The following SMG6 variants were observed in gnomAD, a reference collection of about 807,000 sequenced individuals.
SMG6 encodes SMG6 nonsense mediated mRNA decay factor, also known as telomerase-binding protein EST1A.
Under a neutral mutation model 142.2 loss-of-function variants are expected in SMG6, and 66 were observed. The ratio of observed to expected loss-of-function variants is 0.46; its 90% CI spans 0.38 to 0.57. SMG6 has a LOEUF of 0.57. SMG6 is among the 20% of genes least tolerant of loss of function. The pLI is 0.00. For synonymous variants in SMG6, 779 were observed against 702.4 expected (o/e 1.11, Z -1.72); for missense variants, 1,793 against 1,832.0 (o/e 0.98, Z 0.39).
At chr17:2,094,465 C>G (rs1396671301) in intron 13 of SMG6, among the ~76,000 whole-genome samples, 2 of 152,300 alleles carry the variant, frequency 1.3e-5, no homozygotes, top group East Asian at 3.9e-4. Context: ...TCTCTAATTC[C>G]TTACCTCAAG....
chr17:2,167,342 C>G (rs1233520760), intron 13 of SMG6, among the ~76,000 whole-genome samples: 2 of 151,706 alleles, frequency 1.3e-5, no homozygotes, highest in African/African-American at 4.8e-5. Flanking sequence ...AGAAGAAAAG[C>G]AAAAACAGAT....
chr17:2,157,662 T>G (rs948975173), intron 13 of SMG6, among the ~76,000 whole-genome samples: 1 of 152,236 alleles, frequency 6.6e-6, no homozygotes, highest in African/African-American at 2.4e-5. Context: ...TGTTTGGCTC[T>G]CATGCTTTCA....
At chr17:2,243,402 C>T (rs981822065) in intron 9 of SMG6, among the ~76,000 whole-genome samples, 7 of 152,122 alleles carry the variant, frequency 4.6e-5, no homozygotes, top group African/African-American at 9.7e-5. Flanking sequence ...CCTTCTAGGC[C>T]GGGCGTGGTG....
chr17:2,185,632 G>C (rs2071956135), intron 12 of SMG6, among the ~76,000 whole-genome samples: 1 of 152,164 alleles, frequency 6.6e-6, no homozygotes, highest in African/African-American at 2.4e-5. Context: ...AATGCTCTGA[G>C]AGATGCCAGA....
chr17:2,133,395 A>C (rs1475367703), intron 13 of SMG6, among the ~76,000 whole-genome samples: 1 of 152,238 alleles, frequency 6.6e-6, no homozygotes, highest in Non-Finnish European at 1.5e-5. Context: ...AGCCTTCATA[A>C]CAAGTCAGAG....
At chr17:2,101,881 T>C (rs2151474981) in intron 13 of SMG6, among the ~76,000 whole-genome samples, 1 of 152,364 alleles carries the variant, frequency 6.6e-6, no homozygotes. Context: ...CAGCTCTCCA[T>C]GATCCAGAAC....
intron 13 of SMG6, among the ~76,000 whole-genome samples, chr17:2,122,938 T>A (rs1172742482): frequency 2.0e-5 from 3 of 152,208 alleles, no homozygotes; most frequent in South Asian, 4.1e-4. Context: ...ATGGAGGTGG[T>A]CCTGGCTCCT....
chr17:2,211,094 A>G (rs1378181334), intron 10 of SMG6, among the ~76,000 whole-genome samples: 6 of 87,208 alleles, frequency 6.9e-5, no homozygotes, highest in Admixed American at 5.4e-4. Context: ...GAGGAGCTGG[A>G]TTTTATTAAA....
chr17:2,088,524 C>A, intron 13 of SMG6: 4 of 985,418 alleles, frequency 4.1e-6, no homozygotes, highest in Non-Finnish European at 4.8e-6. Context: ...AGGACAACTG[C>A]TGGCTGATAT....
At chr17:2,194,841 G>A (rs146694445) in intron 10 of SMG6, among the ~76,000 whole-genome samples, 92 of 152,224 alleles carry the variant, frequency 6.0e-4, no homozygotes, top group African/African-American at 2.1e-3. Flanking sequence ...AGAGGATCCT[G>A]AAAACTCAAG....
At chr17:2,199,534 C>T (rs965984818) in intron 10 of SMG6, among the ~76,000 whole-genome samples, 2 of 150,278 alleles carry the variant, frequency 1.3e-5, no homozygotes, top group African/African-American at 4.9e-5. Flanking sequence ...GACCAAGACC[C>T]TGTCTCAAAA....
rs77237774 is a variant in SMG6 at position 2,222,549 on chromosome 17, CGGGGGGGGGGGGG to C, written c.2869+13930_2869+13942del. Among the ~76,000 whole-genome samples, 8 of 7,498 alleles carry C rather than the reference CGGGGGGGGGGGGG, an allele frequency of 1.1e-3. 2 individuals are homozygous for C. The highest frequency in any genetic ancestry group is 9.0e-3 in the East Asian group (2 of 222). 4.9% of individuals were successfully genotyped at this position (7,498 alleles called of 152,430 possible). On this transcript the variant is annotated intron_variant, in intron 10 of 18. Coordinates refer to ENST00000263073, the MANE Select transcript of SMG6 (RefSeq NM_017575.5). Reference sequence around the variant, plus strand: ...AGCTCAGAGAGAGGCAATGCGGGGGCGGGGGGGGGGGGGGGGGGCAGGAGAAGAGGTCCATATA... The same window carrying C: ...AGCTCAGAGAGAGGCAATGCGGGGGCGGGGGCAGGAGAAGAGGTCCATATA...
chr17:2,145,251 C>T (rs2070627221), intron 13 of SMG6, among the ~76,000 whole-genome samples: 1 of 151,474 alleles, frequency 6.6e-6, no homozygotes, highest in South Asian at 2.1e-4. Context: ...GTAGCTGGGA[C>T]TACAGGCGTG....
At chr17:2,132,809 T>C (rs750291994) in intron 13 of SMG6, among the ~76,000 whole-genome samples, 5 of 152,192 alleles carry the variant, frequency 3.3e-5, no homozygotes, top group African/African-American at 7.2e-5. Flanking sequence ...TTTGTTGTTG[T>C]TGAGACAGGG....
chr17:2,243,506 C>T (rs2073860009), intron 9 of SMG6, among the ~76,000 whole-genome samples: 1 of 152,094 alleles, frequency 6.6e-6, no homozygotes, highest in African/African-American at 2.4e-5. Flanking sequence ...TATGGTGAAA[C>T]CCCATCTCTG....
At chr17:2,245,740 G>A (rs1023110617) in intron 8 of SMG6, among the ~76,000 whole-genome samples, 5 of 152,182 alleles carry the variant, frequency 3.3e-5, no homozygotes, top group Non-Finnish European at 7.3e-5. Context: ...GAGCACAGTG[G>A]TGTGATCACA....
In SMG6 at chr17:2,300,405, C is replaced by T. The variant is rs527707709; in HGVS notation, c.348G>A (p.Arg116=). 5.0e-6 allele frequency: 8 copies of T among 1,614,102 alleles called. No homozygotes were observed. In the South Asian group the frequency reaches 8.8e-5, roughly 18 times the overall value. ...CAGTCCTAGGAAAGGATTCTTGTCC[C>T]CGATTATTTTCTGGGTCTATAGGAC... is the stretch of plus-strand genomic sequence containing the variant. ...QNGPIDPENN[R]GQESFPRTAG... The change falls in exon 2 of 19, where the codon CGG becomes CGA. Residue 116 remains arginine, a synonymous_variant. Coordinates refer to ENST00000263073, the MANE Select transcript of SMG6 (RefSeq NM_017575.5).
At chr17:2,099,129 C>T (rs1006323040) in intron 13 of SMG6, among the ~76,000 whole-genome samples, 6 of 151,992 alleles carry the variant, frequency 3.9e-5, no homozygotes, top group Non-Finnish European at 8.8e-5. Context: ...GATGAGTGAT[C>T]GTGGGGGTCA....
intron 13 of SMG6, among the ~76,000 whole-genome samples, chr17:2,140,149 G>A (rs1369114796): frequency 6.6e-6 from 1 of 151,518 alleles, no homozygotes; most frequent in Non-Finnish European, 1.5e-5. Flanking sequence ...TGCAACCTCC[G>A]CCTCCCAGGC....
Sources: allele counts gnomAD v4.1 joint callset (sites outside exome capture counted in the v4.1 genomes callset), GRCh38; gene constraint gnomAD v4.1.1; transcripts MANE v1.5; gene names NCBI Gene and HGNC (gene_info 2026-07-23, HGNC 2026-07-21).